The following COMMD1 variants were observed in gnomAD, a reference collection of about 807,000 sequenced individuals.
The protein encoded by COMMD1 is COMM domain-containing protein 1.
A neutral mutation model predicts 17.2 loss-of-function variants in COMMD1; 10 were observed. The ratio of observed to expected loss-of-function variants is 0.58; its 90% CI spans 0.36 to 0.99. The LOEUF is 0.99. Ranked by LOEUF, COMMD1 falls within the 50% of genes least tolerant of loss-of-function variation. The probability of loss-of-function intolerance (pLI) is 0.01; values close to 1 mark genes in which losing one functional copy is unlikely to be tolerated. For synonymous variants in COMMD1, 97 were observed against 91.6 expected, an observed-to-expected ratio of 1.06 and a Z score of -0.34; for missense variants, 270 against 231.8, an observed-to-expected ratio of 1.17 and a Z score of -1.07.
chr2:62,075,772 ACTTCTTGCTCAG>A (rs1279156156), intron 2 of COMMD1, among the ~76,000 whole-genome samples: 7 of 152,224 alleles, frequency 4.6e-5, no homozygotes, highest in African/African-American at 7.2e-5. Flanking sequence ...GTGTGGCACA[ACTTCTTGCTCAG>A]TATAGCAGCT....
Position 62,051,713 on chromosome 2 carries a change from G to A in COMMD1, c.462+50731G>A, listed in dbSNP as rs114629644. Among the ~76,000 whole-genome samples the A allele has an allele frequency of 6.0e-3, 908 of 152,202 alleles. 13 individuals carry two copies. The highest frequency in any genetic ancestry group is 0.021 in the African/African-American group (859 of 41,520). On this transcript the variant is annotated intron_variant, in intron 2 of 2. Transcript: ENST00000311832. ...AGTTTCCTATAGTTATATCATAATC[G>A]GTTCCATTGGGACCTCCTGGAATTG...
At chr2:62,044,810 G>C (rs532128794) in intron 2 of COMMD1, among the ~76,000 whole-genome samples, 1 of 136,854 alleles carries the variant, frequency 7.3e-6, no homozygotes, top group East Asian at 2.1e-4. Context: ...TTTGTATGTA[G>C]AATCTTCAAG....
chr2:62,069,149 A>T (rs1014281133), intron 2 of COMMD1, among the ~76,000 whole-genome samples: 5 of 151,996 alleles, frequency 3.3e-5, no homozygotes, highest in Non-Finnish European at 7.4e-5. Flanking sequence ...TTAACTTCAG[A>T]TTTTTTATTT....
chr2:62,121,720 A>G (rs1196923585), intron 2 of COMMD1, among the ~76,000 whole-genome samples: 3 of 149,942 alleles, frequency 2.0e-5, no homozygotes, highest in African/African-American at 7.5e-5. Flanking sequence ...CCTGGGCAAC[A>G]GGAGCGAGAC....
At chr2:61,958,046 G>C (rs951838940) in intron 1 of COMMD1, among the ~76,000 whole-genome samples, 1 of 152,172 alleles carries the variant, frequency 6.6e-6, no homozygotes, top group Non-Finnish European at 1.5e-5. Context: ...CTCATTTTAA[G>C]TTCAGGGGTA....
At chr2:61,985,252 G>A (rs901544697) in intron 1 of COMMD1, among the ~76,000 whole-genome samples, 12 of 151,918 alleles carry the variant, frequency 7.9e-5, no homozygotes, top group South Asian at 6.2e-4. Flanking sequence ...GGGTTTCACC[G>A]TGTTAGCCAG....
chr2:61,950,046 C>T (rs1475910606), intron 1 of COMMD1, among the ~76,000 whole-genome samples: 1 of 152,154 alleles, frequency 6.6e-6, no homozygotes, highest in Non-Finnish European at 1.5e-5. Context: ...AGTACTTGAA[C>T]CAAGAGTGAC....
chr2:61,997,849 G>C (rs1449849781), intron 1 of COMMD1, among the ~76,000 whole-genome samples: 1 of 152,158 alleles, frequency 6.6e-6, no homozygotes, highest in Non-Finnish European at 1.5e-5. Flanking sequence ...CCTATTTTAT[G>C]AGAACTCACA....
At chr2:62,068,803 A>C (rs2103956489) in intron 2 of COMMD1, among the ~76,000 whole-genome samples, 1 of 150,684 alleles carries the variant, frequency 6.6e-6, no homozygotes, top group Middle Eastern at 3.4e-3. Context: ...TTTTTATTTT[A>C]TTTTATTTTT....
chr2:61,936,541 A>G (rs916398016), intron 1 of COMMD1, among the ~76,000 whole-genome samples: 14 of 152,188 alleles, frequency 9.2e-5, no homozygotes, highest in African/African-American at 3.4e-4. Flanking sequence ...ATGATTGATA[A>G]CATTATATCA....
chr2:61,927,700 G>T (rs912665327), intron 1 of COMMD1, among the ~76,000 whole-genome samples: 1 of 151,726 alleles, frequency 6.6e-6, no homozygotes, highest in East Asian at 1.9e-4. Context: ...GCCTGGCTGG[G>T]TGACTCCATT....
At position 62,045,798 on chromosome 2, in the gene COMMD1, C is replaced by T. The variant is rs182745742; in HGVS notation, c.462+44816C>T. 4.6e-3 allele frequency among the ~76,000 whole-genome samples: 618 copies of T among 135,328 alleles called. 8 individuals carry two copies. Among genetic ancestry groups the T allele is most frequent in the Admixed American group, 0.011 (129 of 11,694 alleles). 88.8% of individuals were successfully genotyped at this position (135,328 alleles called of 152,430 possible). ...TGTCTCCCAGGCTGGAGTGCAGTGG[C>T]GCCATCTCGGCCCACTGCAACCTCT... On this transcript the variant is annotated intron_variant, in intron 2 of 2. Transcript: ENST00000311832.
intron 2 of COMMD1, among the ~76,000 whole-genome samples, chr2:62,082,467 TG>T (rs1671551303): frequency 6.6e-6 from 1 of 152,160 alleles, no homozygotes; most frequent in African/African-American, 2.4e-5. Context: ...ACGCACCCCA[TG>T]GTCTGTGGGC....
At chr2:62,039,046 T>C (rs962507707) in intron 2 of COMMD1, among the ~76,000 whole-genome samples, 2 of 152,250 alleles carry the variant, frequency 1.3e-5, no homozygotes, top group Non-Finnish European at 2.9e-5. Context: ...GAGAAAACTT[T>C]AACTTTCTCT....
At chr2:62,094,678 A>G (rs1183404449) in intron 2 of COMMD1, among the ~76,000 whole-genome samples, 2 of 152,196 alleles carry the variant, frequency 1.3e-5, no homozygotes, top group South Asian at 2.1e-4. Context: ...AGTGAGGGGT[A>G]AGGGAACAGT....
chr2:61,893,114 A>T (rs2105154845), intron 1 of COMMD1, among the ~76,000 whole-genome samples: 1 of 152,038 alleles, frequency 6.6e-6, no homozygotes, highest in African/African-American at 2.4e-5. Flanking sequence ...TGATCTGCCC[A>T]CCTTGGCCTT....
chr2:62,014,794 T>C (rs973678132), intron 2 of COMMD1, among the ~76,000 whole-genome samples: 6 of 151,926 alleles, frequency 3.9e-5, no homozygotes, highest in Admixed American at 2.0e-4. Flanking sequence ...CTTGAACTCC[T>C]GACCTCATGA....
At chr2:61,894,721 A>T (rs575473376) in intron 1 of COMMD1, among the ~76,000 whole-genome samples, 2 of 149,698 alleles carry the variant, frequency 1.3e-5, no homozygotes, top group African/African-American at 2.5e-5. Flanking sequence ...TTTTTTTGAG[A>T]TGGAGTCTCA....
chr2:62,132,051 G>T lies in COMMD1; in HGVS notation c.463-3780G>T, dbSNP rs373756488. Among the ~76,000 whole-genome samples the T allele has an allele frequency of 2.6e-5, 4 of 151,854 alleles. No individual in the cohort carries two copies. The East Asian group carries it at 5.8e-4, about 22-fold the overall frequency. On this transcript the variant is annotated intron_variant, in intron 2 of 2. Transcript: ENST00000311832. The stretch of plus-strand genomic sequence containing the variant: ...TTACAGGTGCCCACCACCAAGCCTG[G>T]CTAATTTTTGTATTTTTAATAAAGA...
Sources: gnomAD v4.1 joint callset for allele counts (sites outside exome capture counted in the v4.1 genomes callset) on GRCh38, gnomAD v4.1.1 for gene constraint, MANE v1.5 for transcripts, NCBI Gene and HGNC (gene_info 2026-07-23, HGNC 2026-07-21) for gene names.